The following KIRREL3 variants were observed in gnomAD, a reference collection of about 807,000 sequenced individuals.
KIRREL3 encodes the protein kirre like nephrin family adhesion molecule 3.
In KIRREL3, 36 loss-of-function variants were observed where a neutral mutation model predicts 89.7. The observed-to-expected ratio is 0.40, with a 90% CI of 0.31 to 0.53. The LOEUF (loss-of-function observed/expected upper bound fraction) is 0.53. KIRREL3 is among the 20% of genes least tolerant of loss of function. The pLI is 0.49. For synonymous variants in KIRREL3, 445 were observed against 441.4 expected (o/e 1.01, Z -0.10); for missense variants, 864 against 1,056.6 (o/e 0.82, Z 2.53).
chr11:126,712,037 G>C (rs1363062123), intron 1 of KIRREL3, among the ~76,000 whole-genome samples: 6 of 152,338 alleles, frequency 3.9e-5, no homozygotes, highest in African/African-American at 1.4e-4. Context: ...CGGGCCTTCT[G>C]CCGTCAGCCA....
At chr11:126,947,080 CA>C (rs1490707905) in intron 1 of KIRREL3, among the ~76,000 whole-genome samples, 1 of 152,150 alleles carries the variant, frequency 6.6e-6, no homozygotes, top group Admixed American at 6.6e-5. Flanking sequence ...AAATGTCAGT[CA>C]AAGCCAGTGT....
At position 126,429,114 on chromosome 11, in the gene KIRREL3, C is replaced by A; in HGVS notation, c.1806+65G>T. On this transcript the variant is annotated intron_variant, in intron 15 of 16. Transcript: ENST00000525144. This position sits in a 1 kb window ranked among gnomAD's most constrained non-coding sequence, Gnocchi z 5.2. ...GGAAGCATCTAGTTCATTGAGAAGC[C>A]TCTAGTCCCAGGACCTTCTGGGAAT... 1 of 1,063,830 alleles carries A rather than the reference C, an allele frequency of 9.4e-7. No homozygotes were observed. The highest frequency in any genetic ancestry group is 2.5e-5 in the East Asian group (1 of 40,542). The allele number at this position is 1,063,830 out of a possible 1,614,324, so 65.9% of individuals were successfully genotyped here. A position where few individuals can be genotyped will look rare whatever the true frequency, so the allele number is the denominator to read the frequency against.
At chr11:126,854,728 G>T (rs555473677) in intron 1 of KIRREL3, among the ~76,000 whole-genome samples, 1 of 152,114 alleles carries the variant, frequency 6.6e-6, no homozygotes, top group Admixed American at 6.5e-5. Context: ...AATTCCTTTG[G>T]GTATATACCT....
chr11:126,866,625 C>T (rs1944931826), intron 1 of KIRREL3, among the ~76,000 whole-genome samples: 2 of 151,868 alleles, frequency 1.3e-5, no homozygotes, highest in African/African-American at 4.8e-5. Flanking sequence ...TCCGAGACCA[C>T]TCTGGCCTGC....
At chr11:126,674,203 T>G (rs1419538017) in intron 1 of KIRREL3, among the ~76,000 whole-genome samples, 1 of 152,228 alleles carries the variant, frequency 6.6e-6, no homozygotes, top group Non-Finnish European at 1.5e-5. Flanking sequence ...TTCTGTTGCT[T>G]GGAAGAGACT....
intron 1 of KIRREL3, among the ~76,000 whole-genome samples, chr11:126,928,314 G>C (rs1420697930): frequency 5.3e-5 from 8 of 152,252 alleles, no homozygotes; most frequent in Non-Finnish European, 1.5e-5. Flanking sequence ...TGTGGGGCTA[G>C]AGCAGAGGTG....
rs981212649 is a variant in KIRREL3, at chr11:126,606,817, C to CT, written c.56-43906dup. Among the ~76,000 whole-genome samples the CT allele has an allele frequency of 6.6e-6, 1 of 151,486 alleles. No individual in the cohort carries two copies. Among genetic ancestry groups the CT allele is most frequent in the Admixed American group, 6.6e-5 (1 of 15,172 alleles). On this transcript the variant is annotated intron_variant, in intron 1 of 16. Coordinates refer to ENST00000525144, the MANE Select transcript of KIRREL3 (RefSeq NM_032531.4). This position sits in a 1 kb window ranked among gnomAD's most constrained non-coding sequence, Gnocchi z 4.6. ...CTACATGCTGGCCTTCTTCTGCACT[C>CT]TTTTTTTCTTTCTTTAAAAGCTTAG...
intron 1 of KIRREL3, among the ~76,000 whole-genome samples, chr11:126,828,053 T>C (rs1292116749): frequency 1.3e-5 from 2 of 152,310 alleles, no homozygotes; most frequent in East Asian, 3.9e-4. Context: ...ACCTCAAAGA[T>C]TATTATGACC....
chr11:126,457,482 T>C (rs144142020), intron 6 of KIRREL3, among the ~76,000 whole-genome samples: 10 of 151,552 alleles, frequency 6.6e-5, no homozygotes, highest in Non-Finnish European at 1.3e-4. Context: ...TGTATGCTTA[T>C]ATGTATGTAT....
At chr11:126,440,415 C>A (rs1955515204) in intron 11 of KIRREL3, 34 bp downstream of exon 11, 5 of 1,542,420 alleles carry the variant, frequency 3.2e-6, no homozygotes, top group Non-Finnish European at 4.4e-6. Flanking sequence ...GGGCTGCTGG[C>A]CCGGCCCCCG....
intron 1 of KIRREL3, among the ~76,000 whole-genome samples, chr11:126,945,893 T>C (rs1466510200): frequency 6.6e-6 from 1 of 152,176 alleles, no homozygotes; most frequent in Admixed American, 6.5e-5. Flanking sequence ...CCTATTAAGG[T>C]CCCTTTTAGT....
At chr11:126,818,365 G>C (rs574385141) in intron 1 of KIRREL3, among the ~76,000 whole-genome samples, 1 of 152,286 alleles carries the variant, frequency 6.6e-6, no homozygotes, top group African/African-American at 2.4e-5. Flanking sequence ...AGGCTCAATA[G>C]GCTTTCACAT....
intron 2 of KIRREL3, among the ~76,000 whole-genome samples, chr11:126,548,696 G>C (rs1939014094): frequency 1.3e-5 from 2 of 152,244 alleles, no homozygotes; most frequent in African/African-American, 4.8e-5. Flanking sequence ...GGGAACCTGA[G>C]GTAAGATAAG....
chr11:126,698,967 G>A (rs774931230), intron 1 of KIRREL3, among the ~76,000 whole-genome samples: 1 of 152,240 alleles, frequency 6.6e-6, no homozygotes, highest in African/African-American at 2.4e-5. Context: ...CTGCCTGCAG[G>A]TTCTTCATCA....
At chr11:126,679,710 G>A (rs1946363399) in intron 1 of KIRREL3, among the ~76,000 whole-genome samples, 1 of 152,168 alleles carries the variant, frequency 6.6e-6, no homozygotes, top group South Asian at 2.1e-4. Context: ...TTTTCCACAT[G>A]ACCCACTAAA....
At chr11:126,816,882 G>A (rs1010311066) in intron 1 of KIRREL3, among the ~76,000 whole-genome samples, 4 of 152,144 alleles carry the variant, frequency 2.6e-5, no homozygotes, top group South Asian at 4.1e-4. Flanking sequence ...AAAGGCACCC[G>A]GAAATGGCAT....
intron 8 of KIRREL3, among the ~76,000 whole-genome samples, chr11:126,447,911 G>A (rs1383972145): frequency 6.6e-6 from 1 of 152,218 alleles, no homozygotes; most frequent in South Asian, 2.1e-4. Context: ...ATGAGCTAAG[G>A]ATGCTTGTTT....
At chr11:126,975,012 T>C (rs1417275019) in intron 1 of KIRREL3, among the ~76,000 whole-genome samples, 1 of 152,172 alleles carries the variant, frequency 6.6e-6, no homozygotes, top group Admixed American at 6.5e-5. Flanking sequence ...GGTTTCACCA[T>C]GTTGCCTAGG....
chr11:126,540,476 T>C (rs1249583385), intron 2 of KIRREL3, among the ~76,000 whole-genome samples: 1 of 152,122 alleles, frequency 6.6e-6, no homozygotes, highest in Non-Finnish European at 1.5e-5. Flanking sequence ...TCCTGGACAG[T>C]GTGGGTCTTT....
Sources: gnomAD v4.1 joint callset for allele counts (sites outside exome capture counted in the v4.1 genomes callset) on GRCh38, gnomAD v4.1.1 for gene constraint, Gnocchi (gnomAD v3.1) non-coding constraint, MANE v1.5 for transcripts, NCBI Gene and HGNC (gene_info 2026-07-23, HGNC 2026-07-21) for gene names.